SMURF1: variants seen among roughly 807,000 people sequenced by gnomAD.
SMURF1 encodes E3 ubiquitin-protein ligase SMURF1.
SMURF1 carries 44 observed loss-of-function variants against 98.0 expected under a neutral mutation model. The ratio of observed to expected loss-of-function variants is 0.45; its 90% CI spans 0.35 to 0.58. The LOEUF (loss-of-function observed/expected upper bound fraction) is 0.58. SMURF1 is among the 20% of genes least tolerant of loss of function. The probability of loss-of-function intolerance (pLI) is 0.00; values close to 1 mark genes in which losing one functional copy is unlikely to be tolerated. For missense variants in SMURF1, 687 were observed against 938.4 expected (o/e 0.73, Z 3.50); for synonymous variants, 396 against 374.9 (o/e 1.06, Z -0.65).
In SMURF1 at chr7:99,030,580, C is replaced by T; in HGVS notation, c.*4G>A. On this transcript the variant is annotated 3_prime_UTR_variant, in exon 18 of 18. Transcript: ENST00000361368. The stretch of plus-strand genomic sequence containing the variant: ...AGCTAGACTCTGTTGCCTTTGGTTG[C>T]TTTTCACTCCACAGCAAACCCGCAG... 3.1e-6 allele frequency: 5 copies of T among 1,613,920 alleles called. No individual in the cohort carries two copies. The highest frequency in any genetic ancestry group is 1.7e-5 in the Admixed American group (1 of 60,010).
In SMURF1 at chr7:99,052,280, C is replaced by A. The variant is rs1167081525; in HGVS notation, c.646G>T (p.Asp216Tyr). 6.2e-7 allele frequency: 1 copy of A among 1,611,754 alleles called. No homozygotes were observed. Among genetic ancestry groups the A allele is most frequent in the Non-Finnish European group, 8.5e-7 (1 of 1,178,972 alleles). Residue 216 changes from aspartate to tyrosine, a missense_variant, in exon 7 of 18, where the codon GAT (aspartate) becomes TAT (tyrosine). This residue lies in a region of SMURF1 where 415 missense variants were observed against 508.4 expected (regional missense o/e 0.82). Coordinates refer to ENST00000361368, the MANE Select transcript of SMURF1 (RefSeq NM_181349.3). ...RLQAQRLRNP[D>Y]VRGSLQTPQN... The stretch of plus-strand genomic sequence containing the variant: ...GGCGTCTGTAGTGAACCTCGCACAT[C>A]AGGGTTTCGAAGCCGCTGTGCCTGA...
chr7:99,132,641 AG>A (rs1462495544), intron 1 of SMURF1, among the ~76,000 whole-genome samples: 8 of 152,082 alleles, frequency 5.3e-5, no homozygotes, highest in Non-Finnish European at 1.0e-4. Flanking sequence ...CCTGAATGAC[AG>A]GAAGAAGCCA....
chr7:99,143,421 G>A (rs1229681109), intron 1 of SMURF1, among the ~76,000 whole-genome samples: 4 of 140,296 alleles, frequency 2.9e-5, no homozygotes, highest in African/African-American at 1.1e-4. Flanking sequence ...GGAAGGAGAT[G>A]CAAGGGGCGT....
intron 1 of SMURF1, among the ~76,000 whole-genome samples, chr7:99,122,218 C>T (rs1797646229): frequency 6.6e-6 from 1 of 151,624 alleles, no homozygotes. Context: ...ATCCCAGTTA[C>T]TCAGGAGGCT....
chr7:99,120,621 C>G (rs1447171086), intron 1 of SMURF1: 1 of 147,038 alleles, frequency 6.8e-6, no homozygotes, highest in African/African-American at 2.5e-5. Flanking sequence ...ATTTCTAGAG[C>G]TGAAAAAAAA....
At chr7:99,118,568 T>C (rs1797515124) in intron 1 of SMURF1, among the ~76,000 whole-genome samples, 1 of 152,226 alleles carries the variant, frequency 6.6e-6, no homozygotes, top group South Asian at 2.1e-4. Context: ...GATTTCATTT[T>C]CATGAAACAT....
intron 1 of SMURF1, among the ~76,000 whole-genome samples, chr7:99,090,126 G>A (rs1413403779): frequency 6.6e-6 from 1 of 152,176 alleles, no homozygotes. Context: ...GATAATTGCT[G>A]ATGCTTCCCA....
chr7:99,101,138 G>C (rs924444994), intron 1 of SMURF1, among the ~76,000 whole-genome samples: 6 of 152,058 alleles, frequency 3.9e-5, no homozygotes, highest in African/African-American at 9.7e-5. Context: ...AAGAAATATG[G>C]GGGGGTAGGG....
intron 1 of SMURF1, among the ~76,000 whole-genome samples, chr7:99,063,285 A>ATATAAGATT (rs1796106977): frequency 4.3e-5 from 1 of 23,104 alleles, no homozygotes; most frequent in Non-Finnish European, 1.1e-4. Context: ...ATATATATAT[A>ATATAAGATT]TATATATATA....
intron 9 of SMURF1, chr7:99,048,449 A>G (rs1345611205): frequency 6.4e-6 from 1 of 156,510 alleles, no homozygotes; most frequent in East Asian, 1.9e-4. Context: ...TACCACCACA[A>G]ATAAAAATGG....
At chr7:99,131,855 A>T (rs1036452701) in intron 1 of SMURF1, among the ~76,000 whole-genome samples, 1 of 152,112 alleles carries the variant, frequency 6.6e-6, no homozygotes, top group African/African-American at 2.4e-5. Flanking sequence ...GGGTGAGCAA[A>T]AGAAGGCTTC....
At chr7:99,042,770 T>C (rs559634048) in intron 11 of SMURF1, among the ~76,000 whole-genome samples, 21 of 152,374 alleles carry the variant, frequency 1.4e-4, no homozygotes, top group African/African-American at 4.8e-4. Context: ...CTTCTATTCA[T>C]TCTGCTCAAA....
chr7:99,039,948 C>T (rs760783845), intron 13 of SMURF1, among the ~76,000 whole-genome samples: 7 of 152,190 alleles, frequency 4.6e-5, no homozygotes, highest in Non-Finnish European at 8.8e-5. Flanking sequence ...TGTAGGTTAA[C>T]TGGAGATGCC....
At chr7:99,067,673 C>A (rs1040521434) in intron 1 of SMURF1, among the ~76,000 whole-genome samples, 2 of 152,014 alleles carry the variant, frequency 1.3e-5, no homozygotes, top group Non-Finnish European at 2.9e-5. Context: ...TACTTGAGGT[C>A]GGGCGCAGTG....
intron 12 of SMURF1, among the ~76,000 whole-genome samples, chr7:99,041,558 C>T (rs1015544759): frequency 2.6e-5 from 4 of 152,226 alleles, no homozygotes; most frequent in Admixed American, 6.5e-5. Flanking sequence ...TTTGAATGCA[C>T]AAGCGGAGCC....
chr7:99,041,153 A>G (rs1795364708), intron 12 of SMURF1, among the ~76,000 whole-genome samples: 1 of 152,184 alleles, frequency 6.6e-6, no homozygotes, highest in Admixed American at 6.6e-5. Flanking sequence ...TGTAATCTCA[A>G]CACTTTGGGA....
Position 99,029,792 on chromosome 7 carries a change from C to T in SMURF1, c.*792G>A, listed in dbSNP as rs777832981. On this transcript the variant is annotated 3_prime_UTR_variant, in exon 18 of 18. Transcript: ENST00000361368. ...GCTCTAGGGCTGATTTTGGTCTGCT[C>T]TTTCCTACACTCCATGACATGGTGT... 1.3e-5 allele frequency: 2 copies of T among 152,102 alleles called. No homozygotes were observed. The highest frequency in any genetic ancestry group is 2.9e-5 in the Non-Finnish European group (2 of 68,040). 9.4% of individuals were successfully genotyped at this position (152,102 alleles called of 1,614,324 possible). A position where few individuals can be genotyped will look rare whatever the true frequency, so the allele number is the denominator to read the frequency against.
intron 13 of SMURF1, among the ~76,000 whole-genome samples, chr7:99,038,843 G>C (rs991251151): frequency 6.6e-6 from 1 of 152,144 alleles, no homozygotes; most frequent in Non-Finnish European, 1.5e-5. Context: ...AGGCAGGAAC[G>C]TGAAGAGGTA....
chr7:99,039,388 C>G (rs1795286524), intron 13 of SMURF1, among the ~76,000 whole-genome samples: 1 of 151,766 alleles, frequency 6.6e-6, no homozygotes, highest in Non-Finnish European at 1.5e-5. Context: ...CTCTGTCATC[C>G]AGGCTGGAGT....
Sources: gnomAD v4.1 joint callset for allele counts (sites outside exome capture counted in the v4.1 genomes callset) on GRCh38, gnomAD v4.1.1 for gene constraint, gnomAD v4.1.1 regional missense constraint, MANE v1.5 for transcripts, NCBI Gene and HGNC (gene_info 2026-07-23, HGNC 2026-07-21) for gene names.